DPP10: variants seen among roughly 807,000 people sequenced by gnomAD.
DPP10 encodes inactive dipeptidyl peptidase 10.
A neutral mutation model predicts 120.9 loss-of-function variants in DPP10; 33 were observed. That is an observed-to-expected ratio of 0.27 (90% CI 0.21 to 0.37). DPP10 has a LOEUF of 0.37. DPP10 is among the 10% of genes least tolerant of loss of function. The probability of loss-of-function intolerance (pLI) is 1.00; values close to 1 mark genes in which losing one functional copy is unlikely to be tolerated. For synonymous variants in DPP10, 337 were observed against 326.1 expected (o/e 1.03, Z -0.36); for missense variants, 816 against 942.8 (o/e 0.87, Z 1.76).
At chr2:115,319,055 C>A (rs998798003) in intron 2 of DPP10, among the ~76,000 whole-genome samples, 1 of 152,040 alleles carries the variant, frequency 6.6e-6, no homozygotes, top group Non-Finnish European at 1.5e-5. Flanking sequence ...GATAAAGATT[C>A]TTTACATTGT....
chr2:115,587,222 C>A (rs955823803), intron 5 of DPP10, among the ~76,000 whole-genome samples: 1 of 151,642 alleles, frequency 6.6e-6, no homozygotes, highest in Non-Finnish European at 1.5e-5. Context: ...CTCAGCTTCC[C>A]GAGTAGCTGG....
At chr2:115,098,953 AAAATT>A (rs1309220527) in intron 1 of DPP10, among the ~76,000 whole-genome samples, 1 of 152,074 alleles carries the variant, frequency 6.6e-6, no homozygotes, top group African/African-American at 2.4e-5. Context: ...AGTTACCACA[AAAATT>A]TAGCAACAGA....
intron 1 of DPP10, among the ~76,000 whole-genome samples, chr2:115,082,920 A>G (rs867628934): frequency 2.2e-4 from 34 of 152,228 alleles, no homozygotes; most frequent in African/African-American, 7.5e-4. Flanking sequence ...ACCTAGAGCT[A>G]TATTACTTTA....
chr2:115,273,170 A>C (rs2059770736), intron 1 of DPP10, among the ~76,000 whole-genome samples: 1 of 152,118 alleles, frequency 6.6e-6, no homozygotes, highest in Non-Finnish European at 1.5e-5. Context: ...ACTTGCTTGG[A>C]TGTTCAAGTG....
At chr2:115,143,287 C>G (rs1477638559) in intron 1 of DPP10, among the ~76,000 whole-genome samples, 1 of 152,080 alleles carries the variant, frequency 6.6e-6, no homozygotes, top group African/African-American at 2.4e-5. Flanking sequence ...CATTGGTAGC[C>G]CATGGCTGGA....
intron 1 of DPP10, among the ~76,000 whole-genome samples, chr2:115,225,724 T>C (rs1282538508): frequency 1.3e-5 from 2 of 152,124 alleles, no homozygotes; most frequent in Non-Finnish European, 2.9e-5. Context: ...AGGTATTCTT[T>C]GTGCTAGTTT....
intron 1 of DPP10, among the ~76,000 whole-genome samples, chr2:114,831,222 AT>A (rs1384520301): frequency 6.6e-6 from 1 of 152,074 alleles, no homozygotes; most frequent in Admixed American, 6.5e-5. Context: ...TATACTAAAA[AT>A]CTTTCAATAG....
At chr2:114,524,926 A>C (rs1685369776) in intron 1 of DPP10, among the ~76,000 whole-genome samples, 1 of 152,048 alleles carries the variant, frequency 6.6e-6, no homozygotes, top group South Asian at 2.1e-4. Context: ...GTACTTTTCC[A>C]ATGTTTTTCT....
intron 3 of DPP10, among the ~76,000 whole-genome samples, chr2:115,411,710 C>T (rs1316054885): frequency 6.6e-6 from 1 of 152,126 alleles, no homozygotes; most frequent in Non-Finnish European, 1.5e-5. Context: ...ACAATTTGCT[C>T]TTTATTGAAA....
chr2:115,689,450 C>T (rs1410965261), intron 5 of DPP10, among the ~76,000 whole-genome samples: 1 of 151,980 alleles, frequency 6.6e-6, no homozygotes, highest in Non-Finnish European at 1.5e-5. Flanking sequence ...AAGAAAGTAA[C>T]ATAATCACAA....
chr2:115,600,176 C>T (rs907630883), intron 5 of DPP10, among the ~76,000 whole-genome samples: 1 of 151,982 alleles, frequency 6.6e-6, no homozygotes, highest in Non-Finnish European at 1.5e-5. Flanking sequence ...GCTATGCTGC[C>T]CCAAGTTTTG....
chr2:115,362,665 T>G (rs191353096), intron 3 of DPP10, among the ~76,000 whole-genome samples: 11 of 152,286 alleles, frequency 7.2e-5, no homozygotes, highest in Non-Finnish European at 1.5e-4. Context: ...AACCTCTAAG[T>G]TCAACTTCAA....
chr2:115,479,746 C>T (rs2075314780), intron 3 of DPP10, among the ~76,000 whole-genome samples: 1 of 152,244 alleles, frequency 6.6e-6, no homozygotes, highest in South Asian at 2.1e-4. Flanking sequence ...TTTAGCCCCT[C>T]TGAAAGTCAT....
chr2:114,764,335 T>G (rs1474226679), intron 1 of DPP10, among the ~76,000 whole-genome samples: 1 of 150,240 alleles, frequency 6.7e-6, no homozygotes, highest in Non-Finnish European at 1.5e-5. Context: ...TCTTTCTTGC[T>G]GAGTTATTTT....
intron 3 of DPP10, among the ~76,000 whole-genome samples, chr2:115,471,818 C>T (rs186194683): frequency 6.0e-5 from 9 of 151,180 alleles, no homozygotes; most frequent in South Asian, 2.1e-4. Context: ...CAAGGTCTCA[C>T]GCTGTTGCCC....
chr2:115,486,899 C>G (rs2075810731), intron 3 of DPP10, among the ~76,000 whole-genome samples: 1 of 152,070 alleles, frequency 6.6e-6, no homozygotes, highest in Admixed American at 6.6e-5. Context: ...GAAAAAGGCT[C>G]TTTATCACAG....
chr2:115,468,239 G>T (rs940474522), intron 3 of DPP10: 4 of 504,400 alleles, frequency 7.9e-6, no homozygotes, highest in South Asian at 4.3e-5. Flanking sequence ...TCTGCTGACC[G>T]CTCGTGTCAT....
chr2:115,531,047 C>A (rs1425538212), intron 5 of DPP10, among the ~76,000 whole-genome samples: 4 of 152,044 alleles, frequency 2.6e-5, no homozygotes, highest in African/African-American at 9.7e-5. Context: ...CACGCTTAAT[C>A]CTTATATCTT....
intron 1 of DPP10, among the ~76,000 whole-genome samples, chr2:115,143,102 A>G (rs116354775): frequency 0.016 from 2,486 of 152,234 alleles, 34 homozygotes; most frequent in African/African-American, 0.03. Context: ...AGCCTCATTG[A>G]TCTCCCAGCT....
Sources: allele counts gnomAD v4.1 joint callset (sites outside exome capture counted in the v4.1 genomes callset), GRCh38; gene constraint gnomAD v4.1.1; transcripts MANE v1.5; gene names NCBI Gene and HGNC (gene_info 2026-07-23, HGNC 2026-07-21).